NFIB: variants seen among roughly 807,000 people sequenced by gnomAD.
NFIB encodes nuclear factor 1 B-type.
In NFIB, 11 loss-of-function variants were observed where a neutral mutation model predicts 61.5. That is an observed-to-expected ratio of 0.18 (90% CI 0.11 to 0.30). The LOEUF (loss-of-function observed/expected upper bound fraction) is 0.30. Ranked by LOEUF, NFIB falls within the 10% of genes least tolerant of loss-of-function variation. NFIB has a pLI of 1.00. For missense variants in NFIB, 471 were observed against 608.9 expected (o/e 0.77, Z 2.38); for synonymous variants, 260 against 216.5 (o/e 1.20, Z -1.76).
intron 1 of NFIB, among the ~76,000 whole-genome samples, chr9:14,356,172 C>T (rs1003333645): frequency 2.6e-5 from 4 of 152,082 alleles, no homozygotes; most frequent in Non-Finnish European, 4.4e-5. Flanking sequence ...GACACTAGTA[C>T]GCACTTTTTG....
At chr9:14,187,065 G>GTGTGTGTGTGTGTA (rs1554666429) in intron 2 of NFIB, among the ~76,000 whole-genome samples, 6 of 130,932 alleles carry the variant, frequency 4.6e-5, no homozygotes, top group South Asian at 2.4e-4. Flanking sequence ...GTGTGTGTGT[G>GTGTGTGTGTGTGTA]TGTGTGTGCC....
intron 10 of NFIB, among the ~76,000 whole-genome samples, chr9:14,091,878 T>C (rs1290722470): frequency 2.6e-5 from 4 of 152,136 alleles, no homozygotes; most frequent in Admixed American, 2.6e-4. Flanking sequence ...TGACTATTAC[T>C]ATGCATATAA....
chr9:14,299,597 T>C (rs1588210775), intron 2 of NFIB, among the ~76,000 whole-genome samples: 2 of 152,240 alleles, frequency 1.3e-5, no homozygotes, highest in African/African-American at 4.8e-5. Flanking sequence ...TTACTACATG[T>C]TCTGAACTGC....
chr9:14,451,693 G>A, the NFIB span, among the ~76,000 whole-genome samples: 13 of 152,296 alleles, frequency 8.5e-5, 1 homozygote, highest in Admixed American at 5.2e-4. Context: ...TTAAACTTCA[G>A]TAACTTAAGA....
At chr9:14,280,675 G>T (rs949634188) in intron 2 of NFIB, among the ~76,000 whole-genome samples, 1 of 152,122 alleles carries the variant, frequency 6.6e-6, no homozygotes, top group African/African-American at 2.4e-5. Flanking sequence ...AGGCAAGGGG[G>T]GACTCAGGAT....
intron 2 of NFIB, among the ~76,000 whole-genome samples, chr9:14,202,548 G>A (rs1346869030): frequency 6.6e-6 from 1 of 152,052 alleles, no homozygotes; most frequent in Admixed American, 6.6e-5. Flanking sequence ...GTTAAGAATT[G>A]GTTTTCTGCT....
At chr9:14,323,695 C>T (rs1454448067) in intron 1 of NFIB, among the ~76,000 whole-genome samples, 1 of 152,100 alleles carries the variant, frequency 6.6e-6, no homozygotes, top group Non-Finnish European at 1.5e-5. Context: ...AATGTGAGCA[C>T]GTCAGTATTT....
intron 2 of NFIB, among the ~76,000 whole-genome samples, chr9:14,187,072 T>TGTGTGC (rs2047454194): frequency 3.9e-4 from 57 of 145,100 alleles, no homozygotes; most frequent in African/African-American, 1.4e-3. Context: ...TGTGTGTGTG[T>TGTGTGC]GCCTGTGTCT....
At chr9:14,486,345 A>G in the NFIB span, among the ~76,000 whole-genome samples, 1 of 152,214 alleles carries the variant, frequency 6.6e-6, no homozygotes, top group South Asian at 2.1e-4. Context: ...CATGTCATCA[A>G]CGGAGACAAG....
chr9:14,427,937 G>GATTTTTTTTTT, the NFIB span, among the ~76,000 whole-genome samples: 1 of 43,384 alleles, frequency 2.3e-5, no homozygotes, highest in Non-Finnish European at 4.4e-5. Context: ...TAATTCAGTT[G>GATTTTTTTTTT]TTTTTTTTTT....
At chr9:14,113,178 AC>A in intron 9 of NFIB, 97 bp from the exon 10 acceptor site, 6 of 1,018,440 alleles carry the variant, frequency 5.9e-6, no homozygotes, top group Non-Finnish European at 6.9e-6. Context: ...GGGATTTGCA[AC>A]CAAAAAAAAA....
chr9:14,323,146 A>C (rs970437365), intron 1 of NFIB, among the ~76,000 whole-genome samples: 3 of 152,196 alleles, frequency 2.0e-5, no homozygotes, highest in Non-Finnish European at 4.4e-5. Context: ...CATTAAAGCA[A>C]AAGGACCAGA....
At chr9:14,206,081 A>T (rs2049662292) in intron 2 of NFIB, among the ~76,000 whole-genome samples, 1 of 152,060 alleles carries the variant, frequency 6.6e-6, no homozygotes, top group Non-Finnish European at 1.5e-5. Flanking sequence ...TCACACAGCT[A>T]TTTAATAATG....
At chr9:14,278,067 G>A (rs1042781273) in intron 2 of NFIB, among the ~76,000 whole-genome samples, 1 of 152,124 alleles carries the variant, frequency 6.6e-6, no homozygotes, top group South Asian at 2.1e-4. Context: ...ACGACCATGA[G>A]TTTTGGTGCT....
At chr9:14,465,140 T>C in the NFIB span, among the ~76,000 whole-genome samples, 5 of 152,318 alleles carry the variant, frequency 3.3e-5, no homozygotes, top group Middle Eastern at 3.4e-3. Flanking sequence ...CCATGCAAGA[T>C]TTGCTCTCAT....
chr9:14,112,670 G>T (rs1469211153), intron 10 of NFIB, among the ~76,000 whole-genome samples: 2 of 152,184 alleles, frequency 1.3e-5, no homozygotes, highest in African/African-American at 4.8e-5. Flanking sequence ...AAAACAGTTT[G>T]CAGTTTTTGT....
chr9:14,162,717 A>G (rs1431951414), intron 3 of NFIB, among the ~76,000 whole-genome samples: 1 of 152,106 alleles, frequency 6.6e-6, no homozygotes, highest in Non-Finnish European at 1.5e-5. Flanking sequence ...AATCTGTTGC[A>G]GAGAAGACTC....
chr9:14,341,343 G>A (rs2060947540), intron 1 of NFIB, among the ~76,000 whole-genome samples: 1 of 152,196 alleles, frequency 6.6e-6, no homozygotes, highest in Admixed American at 6.5e-5. Flanking sequence ...GGTGCTTCCA[G>A]GAAGGATGGA....
chr9:14,498,872 T>G, the NFIB span, among the ~76,000 whole-genome samples: 2 of 141,250 alleles, frequency 1.4e-5, no homozygotes, highest in Admixed American at 1.4e-4. Flanking sequence ...TAGTACACAT[T>G]TACTAGTCCC....
Sources: allele counts gnomAD v4.1 joint callset (sites outside exome capture counted in the v4.1 genomes callset), GRCh38; gene constraint gnomAD v4.1.1; transcripts MANE v1.5; gene names NCBI Gene and HGNC (gene_info 2026-07-23, HGNC 2026-07-21).